The following AGTPBP1 variants were observed in gnomAD, a reference collection of about 807,000 sequenced individuals.
AGTPBP1 encodes ATP/GTP binding carboxypeptidase 1.
In AGTPBP1, 70 loss-of-function variants were observed where a neutral mutation model predicts 143.9. That is an observed-to-expected ratio of 0.49 (90% CI 0.40 to 0.59). AGTPBP1 has a LOEUF of 0.59. Ranked by LOEUF, AGTPBP1 falls within the 20% of genes least tolerant of loss-of-function variation. AGTPBP1 has a pLI of 0.00. For synonymous variants in AGTPBP1, 463 were observed against 500.2 expected, an observed-to-expected ratio of 0.93 and a Z score of 0.99; for missense variants, 1,229 against 1,464.5, an observed-to-expected ratio of 0.84 and a Z score of 2.62.
chr9:85,725,908 G>A (rs1838445924), intron 1 of AGTPBP1, among the ~76,000 whole-genome samples: 1 of 151,638 alleles, frequency 6.6e-6, no homozygotes, highest in South Asian at 2.1e-4. Flanking sequence ...AAATAGCCAG[G>A]CGTGGTGGCA....
chr9:85,805,152 T>G, the AGTPBP1 span, among the ~76,000 whole-genome samples: 1 of 152,082 alleles, frequency 6.6e-6, no homozygotes, highest in Non-Finnish European at 1.5e-5. Flanking sequence ...AGCAGGTGGT[T>G]CTGGTCCTCT....
chr9:85,635,081 G>A (rs1281277040), intron 13 of AGTPBP1, among the ~76,000 whole-genome samples: 1 of 152,120 alleles, frequency 6.6e-6, no homozygotes, highest in Admixed American at 6.5e-5. Context: ...TTCTTCATAG[G>A]TAACTTTTTT....
rs761030919 is a variant in AGTPBP1 at position 85,550,194 on chromosome 9, TGAGAGAGA to T, written c.3504-2916_3504-2909del. 6.2e-5 allele frequency among the ~76,000 whole-genome samples: 8 copies of T among 129,280 alleles called. No homozygotes were observed. In the South Asian group the frequency reaches 1.9e-3, roughly 30 times the overall value. 84.8% of individuals were successfully genotyped at this position (129,280 alleles called of 152,430 possible). A position where few individuals can be genotyped will look rare whatever the true frequency, so the allele number is the denominator to read the frequency against. ...AAGAGTTTGTGAGTGTGTGTGTGTG[TGAGAGAGA>T]GAGAGAGAGAGAGAGAAAGATATCA... On this transcript the variant is annotated intron_variant, in intron 25 of 25. Transcript: ENST00000357081.
chr9:85,728,040 C>T (rs965258958), intron 1 of AGTPBP1, among the ~76,000 whole-genome samples: 2,260 of 141,326 alleles, frequency 0.016, 27 homozygotes, highest in Middle Eastern at 0.032. Context: ...TACACACACA[C>T]ACACACACAC....
At chr9:85,712,644 T>C in intron 1 of AGTPBP1, 78 bp from the exon 2 acceptor site, 3 of 631,724 alleles carry the variant, frequency 4.7e-6, no homozygotes, top group Non-Finnish European at 7.3e-6. Flanking sequence ...AGCCATACAA[T>C]GGAAAGTTTT....
At chr9:85,587,101 G>C (rs1828663058) in intron 21 of AGTPBP1, 141 bp from the exon 22 acceptor site, 1 of 1,014,138 alleles carries the variant, frequency 9.9e-7, no homozygotes, top group Admixed American at 2.7e-5. Flanking sequence ...TAGATGGTAA[G>C]CTCAACCAAA....
At chr9:85,576,126 G>GTAAGTAATATAAGTAAT (rs1232358575) in intron 24 of AGTPBP1, among the ~76,000 whole-genome samples, 1 of 151,994 alleles carries the variant, frequency 6.6e-6, no homozygotes, top group Non-Finnish European at 1.5e-5. Flanking sequence ...TAGTTTCTCA[G>GTAAGTAATATAAGTAAT]TAAGTAATAT....
chr9:85,599,530 GAACT>G (rs1332523572), intron 17 of AGTPBP1, among the ~76,000 whole-genome samples: 1 of 152,018 alleles, frequency 6.6e-6, no homozygotes, highest in Non-Finnish European at 1.5e-5. Context: ...TATATTAAAT[GAACT>G]AACTAAGCCA....
chr9:85,620,454 C>G (rs1041130778), intron 15 of AGTPBP1, among the ~76,000 whole-genome samples: 1 of 150,568 alleles, frequency 6.6e-6, no homozygotes, highest in East Asian at 1.9e-4. Context: ...TTTTTTTCCT[C>G]CACATATGAT....
intron 11 of AGTPBP1, among the ~76,000 whole-genome samples, chr9:85,653,441 G>A (rs889328489): frequency 3.3e-5 from 5 of 152,126 alleles, no homozygotes; most frequent in Admixed American, 1.3e-4. Flanking sequence ...GTTTGTTCCC[G>A]TGTTTGGTGA....
At chr9:85,751,072 A>C in the AGTPBP1 span, among the ~76,000 whole-genome samples, 2 of 152,194 alleles carry the variant, frequency 1.3e-5, no homozygotes, top group Non-Finnish European at 1.5e-5. Context: ...TCTGCACTGC[A>C]GTCTGCATTT....
At chr9:85,573,090 C>T (rs1161073759) in intron 25 of AGTPBP1, among the ~76,000 whole-genome samples, 1 of 152,004 alleles carries the variant, frequency 6.6e-6, no homozygotes, top group Non-Finnish European at 1.5e-5. Flanking sequence ...CTCCCTCTCC[C>T]TCCCCCTCCC....
intron 2 of AGTPBP1, 51 bp from the exon 3 acceptor site, chr9:85,692,864 T>A: frequency 6.3e-7 from 1 of 1,584,508 alleles, no homozygotes; most frequent in Non-Finnish European, 8.6e-7. Context: ...TGGTGTAAAT[T>A]CAATACTATA....
intron 17 of AGTPBP1, among the ~76,000 whole-genome samples, chr9:85,606,561 C>T (rs904983086): frequency 1.3e-5 from 2 of 151,794 alleles, no homozygotes; most frequent in African/African-American, 4.8e-5. Flanking sequence ...GGTATTTATC[C>T]GAAGTAAAGG....
At chr9:85,759,573 C>T in the AGTPBP1 span, among the ~76,000 whole-genome samples, 40 of 151,924 alleles carry the variant, frequency 2.6e-4, no homozygotes, top group African/African-American at 9.2e-4. Context: ...TTGAAACCAA[C>T]GAGAACAAAG....
intron 2 of AGTPBP1, among the ~76,000 whole-genome samples, 173 bp downstream of exon 2, chr9:85,712,329 T>G (rs1837432951): frequency 6.6e-6 from 1 of 152,190 alleles, no homozygotes; most frequent in Admixed American, 6.5e-5. Flanking sequence ...GGTCATAGTT[T>G]GCTGATTCCA....
At chr9:85,709,077 T>G (rs1015686552) in intron 2 of AGTPBP1, among the ~76,000 whole-genome samples, 1 of 152,090 alleles carries the variant, frequency 6.6e-6, no homozygotes, top group East Asian at 1.9e-4. Flanking sequence ...TAAACAACCC[T>G]TTAGCAAATC....
chr9:85,602,650 C>G (rs1485407807), intron 17 of AGTPBP1, among the ~76,000 whole-genome samples: 15 of 152,296 alleles, frequency 9.8e-5, no homozygotes, highest in Non-Finnish European at 7.4e-5. Context: ...CACCGCCCCC[C>G]ACTCCATGCC....
chr9:85,619,605 G>C (rs1335391499), intron 15 of AGTPBP1, among the ~76,000 whole-genome samples: 1 of 152,104 alleles, frequency 6.6e-6, no homozygotes, highest in East Asian at 1.9e-4. Context: ...TTTTAAAACG[G>C]CTATGACCTG....
Sources: gnomAD v4.1 joint callset for allele counts (sites outside exome capture counted in the v4.1 genomes callset) on GRCh38, gnomAD v4.1.1 for gene constraint, MANE v1.5 for transcripts, NCBI Gene and HGNC (gene_info 2026-07-23, HGNC 2026-07-21) for gene names.